HDAC9: variants seen among roughly 807,000 people sequenced by gnomAD.
The protein encoded by HDAC9 is MEF-2 interacting transcription repressor (MITR) protein.
A neutral mutation model predicts 139.4 loss-of-function variants in HDAC9; 41 were observed. The observed-to-expected ratio is 0.29, with a 90% CI of 0.23 to 0.38. The LOEUF is 0.38. HDAC9 is among the 10% of genes least tolerant of loss of function. HDAC9 has a pLI of 1.00. For synonymous variants in HDAC9, 517 were observed against 476.2 expected (o/e 1.09, Z -1.12); for missense variants, 1,147 against 1,297.0 (o/e 0.88, Z 1.78).
intron 1 of HDAC9, among the ~76,000 whole-genome samples, chr7:18,149,592 C>T (rs1786608495): frequency 6.6e-6 from 1 of 151,674 alleles, no homozygotes; most frequent in South Asian, 2.1e-4. Context: ...AGTCTGTCGC[C>T]CAGGCTGGAG....
intron 22 of HDAC9, among the ~76,000 whole-genome samples, chr7:18,875,635 C>T (rs907685933): frequency 6.6e-6 from 1 of 152,098 alleles, no homozygotes; most frequent in Non-Finnish European, 1.5e-5. Context: ...CTATTAAAAA[C>T]ATATTAAAAC....
intron 1 of HDAC9, among the ~76,000 whole-genome samples, chr7:18,489,889 T>C (rs1386465595): frequency 6.6e-6 from 1 of 151,970 alleles, no homozygotes. Flanking sequence ...AAATAGAACC[T>C]GGAACAAAAT....
intron 12 of HDAC9, among the ~76,000 whole-genome samples, chr7:18,723,153 G>A (rs368444594): frequency 2.0e-5 from 3 of 152,004 alleles, no homozygotes; most frequent in East Asian, 3.9e-4. Context: ...GTTATTTTGT[G>A]TTGTGATTGC....
intron 17 of HDAC9, among the ~76,000 whole-genome samples, chr7:18,825,014 G>A (rs17349832): frequency 0.15 from 22,497 of 152,232 alleles, 2,196 homozygotes; most frequent in Non-Finnish European, 0.21. Flanking sequence ...TCTGACTTGA[G>A]CCACTGGATC....
intron 24 of HDAC9, among the ~76,000 whole-genome samples, chr7:18,954,834 C>G (rs963706307): frequency 2.6e-5 from 4 of 152,056 alleles, no homozygotes; most frequent in African/African-American, 9.7e-5. Flanking sequence ...CCAGGAGGAA[C>G]AGGAAAACCC....
intron 1 of HDAC9, among the ~76,000 whole-genome samples, chr7:18,357,448 G>C (rs1783408400): frequency 2.0e-5 from 3 of 151,924 alleles, no homozygotes. Context: ...GGCCTTGTTT[G>C]GTTGTTTATT....
At chr7:18,266,816 T>C (rs1159543157) in intron 2 of HDAC9, among the ~76,000 whole-genome samples, 1 of 152,154 alleles carries the variant, frequency 6.6e-6, no homozygotes, top group Non-Finnish European at 1.5e-5. Context: ...AACATCTTAG[T>C]CTTCTTATGA....
chr7:18,774,914 A>G (rs1212205298), intron 16 of HDAC9, among the ~76,000 whole-genome samples: 1 of 152,034 alleles, frequency 6.6e-6, no homozygotes, highest in Non-Finnish European at 1.5e-5. Flanking sequence ...CGCTAAGCTT[A>G]ATCATTTCTA....
chr7:18,339,393 G>A (rs1781824955), intron 1 of HDAC9, among the ~76,000 whole-genome samples: 1 of 151,142 alleles, frequency 6.6e-6, no homozygotes, highest in Non-Finnish European at 1.5e-5. Context: ...TCTACTATAG[G>A]CACTTAATGC....
intron 16 of HDAC9, among the ~76,000 whole-genome samples, chr7:18,774,995 C>T (rs545257978): frequency 1.5e-4 from 23 of 151,938 alleles, no homozygotes; most frequent in Admixed American, 9.8e-4. Flanking sequence ...TAGAGGCTAT[C>T]GTAGGGTTAT....
chr7:18,978,527 A>G (rs1210715003), intron 25 of HDAC9, among the ~76,000 whole-genome samples: 3 of 152,190 alleles, frequency 2.0e-5, no homozygotes, highest in East Asian at 3.9e-4. Flanking sequence ...ATTTTCAAAC[A>G]TAACACATAC....
intron 17 of HDAC9, among the ~76,000 whole-genome samples, chr7:18,793,861 A>G (rs1329063885): frequency 1.3e-5 from 2 of 152,226 alleles, no homozygotes; most frequent in Non-Finnish European, 2.9e-5. Context: ...GGAGGCAGAG[A>G]AAGGTAAATA....
intron 21 of HDAC9, among the ~76,000 whole-genome samples, chr7:18,850,965 C>T (rs1245947017): frequency 2.6e-5 from 4 of 152,192 alleles, no homozygotes; most frequent in Non-Finnish European, 5.9e-5. Flanking sequence ...CTTCCAAAGG[C>T]CCCACCTCCT....
At chr7:18,418,146 C>G (rs1789261948) in intron 1 of HDAC9, among the ~76,000 whole-genome samples, 2 of 152,140 alleles carry the variant, frequency 1.3e-5, no homozygotes, top group Admixed American at 1.3e-4. Flanking sequence ...CGTTGCTCAG[C>G]TTTTGGTTTT....
intron 22 of HDAC9, among the ~76,000 whole-genome samples, chr7:18,902,704 TA>T (rs1250652291): frequency 3.3e-5 from 5 of 152,336 alleles, no homozygotes; most frequent in African/African-American, 1.2e-4. Flanking sequence ...TTGGATTTCC[TA>T]AAATATAATT....
intron 2 of HDAC9, among the ~76,000 whole-genome samples, chr7:18,280,986 T>G (rs1194153486): frequency 6.6e-6 from 1 of 152,182 alleles, no homozygotes; most frequent in Non-Finnish European, 1.5e-5. Context: ...ACCTCACATG[T>G]GATTTGAAAA....
chr7:18,768,267 A>T (rs910856550), intron 16 of HDAC9, among the ~76,000 whole-genome samples: 1 of 152,216 alleles, frequency 6.6e-6, no homozygotes, highest in African/African-American at 2.4e-5. Flanking sequence ...AAAAGCTGAA[A>T]GTATGGGGGT....
At chr7:18,763,974 A>G (rs1472986694) in intron 15 of HDAC9, among the ~76,000 whole-genome samples, 7 of 152,312 alleles carry the variant, frequency 4.6e-5, no homozygotes, top group African/African-American at 1.7e-4. Context: ...AGAGAAAGGC[A>G]TATTTATAAG....
At chr7:18,902,675 C>G (rs1307610030) in intron 22 of HDAC9, among the ~76,000 whole-genome samples, 1 of 152,082 alleles carries the variant, frequency 6.6e-6, no homozygotes, top group Non-Finnish European at 1.5e-5. Flanking sequence ...TAAAAATATG[C>G]TTACCTCAGG....
Sources: allele counts gnomAD v4.1 joint callset (sites outside exome capture counted in the v4.1 genomes callset), GRCh38; gene constraint gnomAD v4.1.1; transcripts MANE v1.5; gene names NCBI Gene and HGNC (gene_info 2026-07-23, HGNC 2026-07-21).